Variants in PCSK5 observed in about 807,000 individuals in gnomAD.
PCSK5 encodes the protein proprotein convertase subtilisin/kexin type 5.
Under a neutral mutation model 233.2 loss-of-function variants are expected in PCSK5, and 129 were observed. The observed-to-expected ratio is 0.55, with a 90% CI of 0.48 to 0.64. The LOEUF (loss-of-function observed/expected upper bound fraction) is 0.64. PCSK5 is among the 30% of genes least tolerant of loss of function. The pLI, the probability that PCSK5 is intolerant of heterozygous loss-of-function variation, is 0.00. For synonymous variants in PCSK5, 825 were observed against 879.2 expected, an observed-to-expected ratio of 0.94 and a Z score of 1.09; for missense variants, 2,076 against 2,430.1, an observed-to-expected ratio of 0.85 and a Z score of 3.06.
chr9:76,144,944 G>T (rs187125549), intron 10 of PCSK5, among the ~76,000 whole-genome samples: 19 of 152,236 alleles, frequency 1.2e-4, no homozygotes, highest in Admixed American at 1.0e-3. Context: ...TGGCCAACAT[G>T]GTGAAACCCC....
intron 32 of PCSK5, among the ~76,000 whole-genome samples, chr9:76,326,880 T>C (rs1223215464): frequency 6.6e-6 from 1 of 152,048 alleles, no homozygotes; most frequent in Non-Finnish European, 1.5e-5. Flanking sequence ...ACTTGAGAGA[T>C]GTCTTAGATT....
chr9:76,271,200 G>C (rs908355628), intron 24 of PCSK5, among the ~76,000 whole-genome samples: 16 of 152,008 alleles, frequency 1.1e-4, no homozygotes, highest in African/African-American at 3.4e-4. Flanking sequence ...GAGCATTAAG[G>C]GAGAAAGGAG....
intron 30 of PCSK5, among the ~76,000 whole-genome samples, chr9:76,315,185 C>T (rs1463206730): frequency 6.6e-6 from 1 of 151,990 alleles, no homozygotes; most frequent in Non-Finnish European, 1.5e-5. Flanking sequence ...AACTCCTGAC[C>T]TCAGGTGATC....
Position 76,180,016 on chromosome 9 carries a change from T to TC in PCSK5, c.2003+318_2003+319insC, listed in dbSNP as rs1250376979. ...CTCCAGACCTTTCTTTTTTTTTTTT[T>TC]TAATTGACAAGTAAAAACTGCATGT... On this transcript the variant is annotated intron_variant, in intron 15 of 37. Transcript: ENST00000674117. Among the ~76,000 whole-genome samples, 14 of 150,136 alleles carry TC rather than the reference T, an allele frequency of 9.3e-5. No homozygotes were observed. The South Asian group carries it at 1.3e-3, about 14-fold the overall frequency.
intron 27 of PCSK5, among the ~76,000 whole-genome samples, chr9:76,299,945 T>C (rs980552159): frequency 2.6e-5 from 4 of 152,228 alleles, no homozygotes; most frequent in Non-Finnish European, 4.4e-5. Flanking sequence ...TCTGCACATT[T>C]ATCTTACCTC....
At chr9:76,053,429 A>C (rs10118195) in intron 5 of PCSK5, among the ~76,000 whole-genome samples, 19,116 of 152,222 alleles carry the variant, frequency 0.13, 2,619 homozygotes, top group African/African-American at 0.35. Context: ...TTTCTCCCCG[A>C]AAATGGGTTC....
At chr9:76,074,224 C>T (rs1830568781) in intron 7 of PCSK5, among the ~76,000 whole-genome samples, 2 of 152,274 alleles carry the variant, frequency 1.3e-5, no homozygotes, top group African/African-American at 4.8e-5. Context: ...TAACGGTCTA[C>T]CCTAGGCATC....
intron 6 of PCSK5, 94 bp from the exon 7 acceptor site, chr9:76,071,632 A>G: frequency 9.5e-7 from 1 of 1,053,712 alleles, no homozygotes; most frequent in Non-Finnish European, 1.4e-6. Flanking sequence ...TTGATTAAAA[A>G]TGTATTCTTC....
intron 2 of PCSK5, among the ~76,000 whole-genome samples, chr9:75,965,735 G>T (rs182690130): frequency 2.2e-4 from 33 of 152,272 alleles, no homozygotes; most frequent in African/African-American, 7.7e-4. Flanking sequence ...TTATCATACT[G>T]CCTATTGGTG....
chr9:76,303,706 T>C (rs1828688752), intron 28 of PCSK5, among the ~76,000 whole-genome samples: 1 of 152,228 alleles, frequency 6.6e-6, no homozygotes, highest in South Asian at 2.1e-4. Flanking sequence ...GGCTGAGTGA[T>C]ACTGCAGTTT....
chr9:76,030,686 G>A (rs991583874), intron 5 of PCSK5, among the ~76,000 whole-genome samples: 1 of 152,044 alleles, frequency 6.6e-6, no homozygotes. Flanking sequence ...GTTGTAGTCT[G>A]TATTATAATA....
intron 8 of PCSK5, among the ~76,000 whole-genome samples, chr9:76,097,242 A>ATTTAT (rs1831562080): frequency 1.8e-5 from 1 of 56,768 alleles, no homozygotes. Context: ...CAAAAAGTGC[A>ATTTAT]TTTCTTTTTT....
rs796679284 is a variant in PCSK5, at chr9:76,213,804, T to C, written c.2627-13699T>C. ...TTCTACTTCAGTCAACCCAATCATTTGCCTGCTCCCAGAGACATCAGACTT... is the reference window on the plus strand; with the variant it reads ...TTCTACTTCAGTCAACCCAATCATTCGCCTGCTCCCAGAGACATCAGACTT... On this transcript the variant is annotated intron_variant, in intron 20 of 37. Transcript: ENST00000674117. Among the ~76,000 whole-genome samples the C allele has an allele frequency of 2.6e-5, 4 of 152,268 alleles. No homozygotes were observed. In the South Asian group the frequency reaches 6.2e-4, roughly 24 times the overall value.
chr9:76,160,346 G>T (rs912272910), intron 12 of PCSK5, among the ~76,000 whole-genome samples: 1 of 152,194 alleles, frequency 6.6e-6, no homozygotes, highest in African/African-American at 2.4e-5. Flanking sequence ...AAGTGGGACC[G>T]GAGAGGGGAG....
intron 13 of PCSK5, among the ~76,000 whole-genome samples, chr9:76,174,394 C>T (rs1823478599): frequency 1.3e-5 from 2 of 151,872 alleles, no homozygotes; most frequent in Non-Finnish European, 2.9e-5. Context: ...GCAACCTCCG[C>T]CTCCCAGGTT....
chr9:75,987,589 G>A (rs1587462828), intron 3 of PCSK5, among the ~76,000 whole-genome samples: 2 of 152,174 alleles, frequency 1.3e-5, no homozygotes, highest in African/African-American at 4.8e-5. Context: ...AGAAATGAAA[G>A]GTTATGGAAA....
intron 1 of PCSK5, among the ~76,000 whole-genome samples, chr9:75,920,043 C>T (rs1823179193): frequency 6.6e-6 from 1 of 152,134 alleles, no homozygotes; most frequent in Non-Finnish European, 1.5e-5. Context: ...GTGGCACATG[C>T]CTGTAATCCC....
chr9:76,043,335 C>CAA (rs71372040), intron 5 of PCSK5, among the ~76,000 whole-genome samples: 12,346 of 63,626 alleles, frequency 0.19, 1,601 homozygotes, highest in Middle Eastern at 0.28. Flanking sequence ...GACTCCATCT[C>CAA]AAAAAAAAAA....
chr9:76,091,567 CTTCTT>C (rs142862993), intron 7 of PCSK5, among the ~76,000 whole-genome samples: 42 of 152,246 alleles, frequency 2.8e-4, no homozygotes, highest in African/African-American at 9.4e-4. Flanking sequence ...CTTAAGATCT[CTTCTT>C]CTCTTCTCTC....
Sources: allele counts gnomAD v4.1 joint callset (sites outside exome capture counted in the v4.1 genomes callset), GRCh38; gene constraint gnomAD v4.1.1; transcripts MANE v1.5; gene names NCBI Gene and HGNC (gene_info 2026-07-23, HGNC 2026-07-21).